Variants in CELF2 observed in about 807,000 individuals in gnomAD.
CELF2 encodes CUG triplet repeat RNA-binding protein 2.
A neutral mutation model predicts 62.6 loss-of-function variants in CELF2; 8 were observed. The ratio of observed to expected loss-of-function variants is 0.13; its 90% CI spans 0.07 to 0.23. CELF2 has a LOEUF of 0.23. Ranked by LOEUF, CELF2 falls within the 10% of genes least tolerant of loss-of-function variation. The pLI, the probability that CELF2 is intolerant of heterozygous loss-of-function variation, is 1.00. For synonymous variants in CELF2, 258 were observed against 250.0 expected (o/e 1.03, Z -0.30); for missense variants, 333 against 671.0 (o/e 0.50, Z 5.56).
chr10:10,557,793 G>A, the CELF2 span, among the ~76,000 whole-genome samples: 3 of 143,670 alleles, frequency 2.1e-5, no homozygotes, highest in South Asian at 2.3e-4. Context: ...TCTCTTTGAA[G>A]CAATTGTGAA....
At chr10:11,084,849 C>T (rs17149449) in intron 1 of CELF2, among the ~76,000 whole-genome samples, 8 of 152,260 alleles carry the variant, frequency 5.3e-5, no homozygotes, top group South Asian at 2.1e-4. Context: ...AGGTCATTAT[C>T]GTCAAACTGC....
chr10:11,247,115 C>G lies in CELF2; in HGVS notation c.355-2038C>G, dbSNP rs573061467. On this transcript the variant is annotated intron_variant, in intron 3 of 12. Coordinates refer to ENST00000633077, the MANE Select transcript of CELF2 (RefSeq NM_001326342.2). The surrounding 1 kb of genome is among the most constrained non-coding windows in gnomAD (Gnocchi z 5.4). ...TCTTAACTGTCCTCCCTGCCTGTGT[C>G]TCTCGTCTGTAATCCACCCTCCACA... Among the ~76,000 whole-genome samples, 5 of 152,352 alleles carry G rather than the reference C, an allele frequency of 3.3e-5. No individual in the cohort carries two copies. The South Asian group carries it at 6.2e-4, about 19-fold the overall frequency.
the CELF2 span, among the ~76,000 whole-genome samples, chr10:10,686,023 C>CAAA: frequency 6.6e-6 from 1 of 152,114 alleles, no homozygotes; most frequent in Non-Finnish European, 1.5e-5. Context: ...GGCAGCTACG[C>CAAA]AAACCGCACC....
chr10:11,171,630 C>T lies in CELF2; in HGVS notation c.271+5948C>T, dbSNP rs1461545449. 2.0e-5 allele frequency among the ~76,000 whole-genome samples: 3 copies of T among 152,164 alleles called. No individual in the cohort carries two copies. In the East Asian group the frequency reaches 5.8e-4, roughly 29 times the overall value. ...CCTAAATCCAGAAGTTTCTTCTGTGCCATGGTAGAGTGAGGGTAGGCCCTG... is the reference window on the plus strand; with the variant it reads ...CCTAAATCCAGAAGTTTCTTCTGTGTCATGGTAGAGTGAGGGTAGGCCCTG... On this transcript the variant is annotated intron_variant, in intron 2 of 12. Coordinates refer to ENST00000633077, the MANE Select transcript of CELF2 (RefSeq NM_001326342.2).
At chr10:10,692,459 T>C in the CELF2 span, among the ~76,000 whole-genome samples, 1 of 147,736 alleles carries the variant, frequency 6.8e-6, no homozygotes, top group Non-Finnish European at 1.5e-5. Flanking sequence ...TCCAGCTTTG[T>C]TCTTTTGGCT....
chr10:11,039,265 G>A lies in CELF2; in HGVS notation c.74+21102G>A, dbSNP rs543461845. Among the ~76,000 whole-genome samples the A allele has an allele frequency of 6.6e-6, 1 of 152,218 alleles. No homozygotes were observed. The highest frequency in any genetic ancestry group is 1.5e-5 in the Non-Finnish European group (1 of 68,046). The stretch of plus-strand genomic sequence containing the variant: ...CATCAGATGAGATAGGAAGAAAAGT[G>A]GAGAATGCACTTTGCTGGTGCTGAG... On this transcript the variant is annotated intron_variant, in intron 1 of 12. Coordinates refer to ENST00000633077, the MANE Select transcript of CELF2 (RefSeq NM_001326342.2). This position sits in a 1 kb window ranked among gnomAD's most constrained non-coding sequence, Gnocchi z 4.1.
chr10:10,831,160 A>T (rs1037136120), intron 1 of CELF2, among the ~76,000 whole-genome samples: 20 of 152,206 alleles, frequency 1.3e-4, no homozygotes, highest in African/African-American at 4.6e-4. Flanking sequence ...TCTGAAGTGA[A>T]TTGGATTTCC....
At chr10:10,799,649 G>A (rs892298346) in intron 1 of CELF2, among the ~76,000 whole-genome samples, 1 of 131,146 alleles carries the variant, frequency 7.6e-6, no homozygotes, top group African/African-American at 2.9e-5. Context: ...TGGGCAGAAT[G>A]TATGACATAA....
At chr10:11,210,297 G>A (rs1159311532) in intron 2 of CELF2, among the ~76,000 whole-genome samples, 1 of 152,196 alleles carries the variant, frequency 6.6e-6, no homozygotes, top group Non-Finnish European at 1.5e-5. Context: ...AAACAAAGTA[G>A]GTTTTCATAT....
chr10:10,788,737 A>G, the CELF2 span, among the ~76,000 whole-genome samples: 2 of 152,200 alleles, frequency 1.3e-5, no homozygotes, highest in Non-Finnish European at 2.9e-5. Context: ...TGCTAGGATT[A>G]CAGGCATGAG....
rs1378715491 is a variant in CELF2 at position 11,302,310 on chromosome 10, G to A, written c.977-11829G>A. Among the ~76,000 whole-genome samples, 7 of 152,292 alleles carry A rather than the reference G, an allele frequency of 4.6e-5. No individual in the cohort carries two copies. The highest frequency in any genetic ancestry group is 3.9e-4 in the East Asian group (2 of 5,182). On this transcript the variant is annotated intron_variant, in intron 9 of 12. Transcript: ENST00000633077. The surrounding 1 kb of genome is among the most constrained non-coding windows in gnomAD (Gnocchi z 5.0). ...ACCGCATCGGATAGTCCTGACACACGTGGTTCTCTAATGTTTGCATGCAAA... is the reference window on the plus strand; with the variant it reads ...ACCGCATCGGATAGTCCTGACACACATGGTTCTCTAATGTTTGCATGCAAA...
At chr10:11,175,049 A>G (rs117193249) in intron 2 of CELF2, among the ~76,000 whole-genome samples, 2,893 of 145,150 alleles carry the variant, frequency 0.02, 39 homozygotes, top group Middle Eastern at 0.052. Flanking sequence ...TAGTATTAAC[A>G]TGTTTAAAGT....
chr10:10,679,532 C>A, the CELF2 span, among the ~76,000 whole-genome samples: 1 of 152,162 alleles, frequency 6.6e-6, no homozygotes, highest in Admixed American at 6.5e-5. Flanking sequence ...TCAAGTGATC[C>A]GCCAGCCTTG....
intron 1 of CELF2, among the ~76,000 whole-genome samples, chr10:10,799,598 C>T (rs1455630626): frequency 6.8e-6 from 1 of 146,256 alleles, no homozygotes; most frequent in Non-Finnish European, 1.5e-5. Context: ...CTCCCCTACC[C>T]CCACCCCCAC....
the CELF2 span, among the ~76,000 whole-genome samples, chr10:10,632,726 G>A: frequency 3.9e-5 from 6 of 152,228 alleles, no homozygotes; most frequent in South Asian, 1.0e-3. Context: ...ATAAAAACAC[G>A]TAGTATAAAA....
At position 11,110,242 on chromosome 10, in the gene CELF2, C is replaced by T. The variant is rs547399844; in HGVS notation, c.75-55244C>T. Reference sequence around the variant, plus strand: ...GGAACCCTGAACGTCCTACCGCACTCCAGCATGGGCGACAGAGCAAGACCA... The same window carrying T: ...GGAACCCTGAACGTCCTACCGCACTTCAGCATGGGCGACAGAGCAAGACCA... On this transcript the variant is annotated intron_variant, in intron 1 of 12. Transcript: ENST00000633077. The surrounding 1 kb of genome is among the most constrained non-coding windows in gnomAD (Gnocchi z 4.0). Among the ~76,000 whole-genome samples the T allele has an allele frequency of 2.6e-5, 4 of 152,038 alleles. No homozygotes were observed. The highest frequency in any genetic ancestry group is 1.5e-5 in the Non-Finnish European group (1 of 68,014).
chr10:10,731,279 C>T, the CELF2 span, among the ~76,000 whole-genome samples: 41 of 151,926 alleles, frequency 2.7e-4, no homozygotes, highest in Admixed American at 2.7e-3. Flanking sequence ...CACACACCCT[C>T]AAAGTAATTT....
At chr10:10,627,583 G>A in the CELF2 span, among the ~76,000 whole-genome samples, 1 of 152,132 alleles carries the variant, frequency 6.6e-6, no homozygotes, top group African/African-American at 2.4e-5. Context: ...CTTCACCACT[G>A]GCCACCAGGC....
the CELF2 span, among the ~76,000 whole-genome samples, chr10:10,543,950 C>G: frequency 6.6e-6 from 1 of 152,152 alleles, no homozygotes; most frequent in African/African-American, 2.4e-5. Context: ...ATGGCTGAAG[C>G]TGTGATTGTA....
Sources: gnomAD v4.1 joint callset for allele counts (sites outside exome capture counted in the v4.1 genomes callset) on GRCh38, gnomAD v4.1.1 for gene constraint, Gnocchi (gnomAD v3.1) non-coding constraint, MANE v1.5 for transcripts, NCBI Gene and HGNC (gene_info 2026-07-23, HGNC 2026-07-21) for gene names.